Variants in EPB41L4A observed in about 807,000 individuals in gnomAD.
EPB41L4A encodes band 4.1-like protein 4A.
In EPB41L4A, 100 loss-of-function variants were observed where a neutral mutation model predicts 108.6. The ratio of observed to expected loss-of-function variants is 0.92; its 90% CI spans 0.78 to 1.09. EPB41L4A has a LOEUF of 1.09. Ranked by LOEUF, EPB41L4A falls within the 50% of genes least tolerant of loss-of-function variation. The pLI, the probability that EPB41L4A is intolerant of heterozygous loss-of-function variation, is 0.00. For missense variants in EPB41L4A, 1,030 were observed against 842.7 expected (o/e 1.22, Z -2.75); for synonymous variants, 319 against 289.0 (o/e 1.10, Z -1.05).
intron 12 of EPB41L4A, among the ~76,000 whole-genome samples, chr5:112,155,506 G>T (rs1759616466): frequency 6.6e-6 from 1 of 152,112 alleles, no homozygotes; most frequent in Non-Finnish European, 1.5e-5. Context: ...TGCCACTGAT[G>T]ATACAAGAGG....
rs569593484 is a variant in EPB41L4A, at chr5:112,229,088, C to T, written c.1087+5546G>A. ...TAGTTTGATTGAATTACTTTAACTT[C>T]GGAATTAAAAAGAAAGGTCTTCTAA... On this transcript the variant is annotated intron_variant, in intron 12 of 22. Transcript: ENST00000261486. Among the ~76,000 whole-genome samples, 45 of 152,104 alleles carry T rather than the reference C, an allele frequency of 3.0e-4. No individual in the cohort carries two copies. In the East Asian group the frequency reaches 8.1e-3, roughly 27 times the overall value.
intron 2 of EPB41L4A, among the ~76,000 whole-genome samples, chr5:112,302,129 G>C (rs1055297761): frequency 5.9e-5 from 9 of 152,092 alleles, no homozygotes; most frequent in African/African-American, 1.9e-4. Context: ...CAGTATTTAT[G>C]ATAAACCAAA....
intron 1 of EPB41L4A, among the ~76,000 whole-genome samples, chr5:112,365,270 A>C (rs1759050443): frequency 6.6e-6 from 1 of 152,164 alleles, no homozygotes; most frequent in African/African-American, 2.4e-5. Flanking sequence ...GCATGATCAT[A>C]GCATACTACA....
At chr5:112,370,469 A>C (rs1227076210) in intron 1 of EPB41L4A, among the ~76,000 whole-genome samples, 7 of 152,130 alleles carry the variant, frequency 4.6e-5, no homozygotes, top group Admixed American at 4.6e-4. Context: ...TAATGTGTCC[A>C]GTTTACAATA....
chr5:112,242,337 G>C (rs1482130917), intron 9 of EPB41L4A, among the ~76,000 whole-genome samples: 1 of 152,162 alleles, frequency 6.6e-6, no homozygotes, highest in Non-Finnish European at 1.5e-5. Context: ...TCTTCACCAG[G>C]AGTAGATTCC....
At chr5:112,366,278 T>C (rs1759114214) in intron 1 of EPB41L4A, among the ~76,000 whole-genome samples, 2 of 150,882 alleles carry the variant, frequency 1.3e-5, no homozygotes, top group Admixed American at 6.6e-5. Flanking sequence ...TGTTTGTAAA[T>C]TGTCTCTAAT....
At chr5:112,413,257 G>C (rs1306551369) in intron 1 of EPB41L4A, among the ~76,000 whole-genome samples, 1 of 152,164 alleles carries the variant, frequency 6.6e-6, no homozygotes, top group Non-Finnish European at 1.5e-5. Context: ...CTGCTAGTCA[G>C]CTTTTCAATG....
intron 12 of EPB41L4A, among the ~76,000 whole-genome samples, chr5:112,146,413 G>A (rs1055286858): frequency 6.6e-6 from 1 of 152,200 alleles, no homozygotes; most frequent in African/African-American, 2.4e-5. Flanking sequence ...GTTTAGTGCT[G>A]TTTGAGTAAT....
intron 1 of EPB41L4A, among the ~76,000 whole-genome samples, chr5:112,320,572 A>C (rs907726789): frequency 2.0e-5 from 3 of 152,208 alleles, no homozygotes; most frequent in Middle Eastern, 3.2e-3. Flanking sequence ...ATTCTACAAG[A>C]ATAGCCTGGG....
chr5:112,193,866 C>T (rs1415798677), intron 17 of EPB41L4A, among the ~76,000 whole-genome samples: 2 of 152,162 alleles, frequency 1.3e-5, no homozygotes, highest in Non-Finnish European at 2.9e-5. Flanking sequence ...GCAGGGAGGA[C>T]AAAACTCCCC....
At chr5:112,290,885 C>T (rs938766722) in intron 2 of EPB41L4A, among the ~76,000 whole-genome samples, 7 of 152,156 alleles carry the variant, frequency 4.6e-5, no homozygotes, top group Admixed American at 3.3e-4. Context: ...CACAGTTACA[C>T]CTACTCCAGC....
At chr5:112,213,751 C>A (rs1202003335) in intron 12 of EPB41L4A, among the ~76,000 whole-genome samples, 1 of 152,128 alleles carries the variant, frequency 6.6e-6, no homozygotes, top group South Asian at 2.1e-4. Flanking sequence ...TTTTAAAAGC[C>A]TTATTAGGAA....
chr5:112,402,706 G>T (rs1370686985), intron 1 of EPB41L4A, among the ~76,000 whole-genome samples: 1 of 152,142 alleles, frequency 6.6e-6, no homozygotes, highest in South Asian at 2.1e-4. Flanking sequence ...TATGACACCA[G>T]ATGGGAAGCA....
intron 5 of EPB41L4A, among the ~76,000 whole-genome samples, chr5:112,265,821 C>CCA (rs920089537): frequency 6.6e-6 from 1 of 152,216 alleles, no homozygotes; most frequent in African/African-American, 2.4e-5. Context: ...AACACCCATG[C>CCA]CACATGCGGA....
intron 13 of EPB41L4A, chr5:112,206,966 A>G (rs1432057455): frequency 3.3e-5 from 5 of 152,270 alleles, no homozygotes; most frequent in Non-Finnish European, 7.3e-5. Flanking sequence ...CCTCCAAAAA[A>G]GCCCAAACAG....
At chr5:112,283,484 T>A (rs1220063716) in intron 2 of EPB41L4A, among the ~76,000 whole-genome samples, 1 of 152,084 alleles carries the variant, frequency 6.6e-6, no homozygotes, top group Non-Finnish European at 1.5e-5. Flanking sequence ...ACAGAGCACA[T>A]GGAAGATCAG....
intron 6 of EPB41L4A, chr5:112,264,550 A>T (rs13357541): frequency 0.017 from 2,686 of 159,488 alleles, 33 homozygotes; most frequent in Non-Finnish European, 0.024. Context: ...AAGACTGCAA[A>T]ATCTAGTATT....
At chr5:112,244,850 T>G (rs1750092001) in intron 9 of EPB41L4A, among the ~76,000 whole-genome samples, 1 of 152,194 alleles carries the variant, frequency 6.6e-6, no homozygotes, top group Non-Finnish European at 1.5e-5. Context: ...TGCTTTTCAT[T>G]AGAAAGTAGA....
At chr5:112,185,047 T>A (rs575742152) in intron 17 of EPB41L4A, among the ~76,000 whole-genome samples, 30 of 152,136 alleles carry the variant, frequency 2.0e-4, no homozygotes, top group African/African-American at 7.2e-4. Context: ...GTACTTAATT[T>A]ATGTGAAATA....
Sources: allele counts gnomAD v4.1 joint callset (sites outside exome capture counted in the v4.1 genomes callset), GRCh38; gene constraint gnomAD v4.1.1; transcripts MANE v1.5; gene names NCBI Gene and HGNC (gene_info 2026-07-23, HGNC 2026-07-21).